The following ASB7 variants were observed in gnomAD, a reference collection of about 807,000 sequenced individuals.
The protein encoded by ASB7 is ankyrin repeat and SOCS box containing 7.
ASB7 carries 4 observed loss-of-function variants against 32.5 expected under a neutral mutation model. The observed-to-expected ratio is 0.12, with a 90% CI of 0.06 to 0.28. The LOEUF (loss-of-function observed/expected upper bound fraction) is 0.28. Ranked by LOEUF, ASB7 falls within the 10% of genes least tolerant of loss-of-function variation. ASB7 has a pLI of 1.00. For missense variants in ASB7, 181 were observed against 407.1 expected (o/e 0.44, Z 4.78); for synonymous variants, 172 against 155.6 (o/e 1.11, Z -0.78).
At chr15:100,647,699 C>T (rs1018975507) in intron 5 of ASB7, among the ~76,000 whole-genome samples, 11 of 152,300 alleles carry the variant, frequency 7.2e-5, no homozygotes, top group Admixed American at 2.0e-4. Context: ...CTGCACTCCT[C>T]AACTGTCAGC....
intron 4 of ASB7, among the ~76,000 whole-genome samples, chr15:100,617,769 C>G (rs2039756293): frequency 6.6e-6 from 1 of 152,196 alleles, no homozygotes; most frequent in Non-Finnish European, 1.5e-5. Context: ...TCTGATTCAT[C>G]TAAAGCTTCT....
chr15:100,646,578 A>G (rs2039998554), intron 5 of ASB7: 4 of 369,200 alleles, frequency 1.1e-5, no homozygotes, highest in South Asian at 9.5e-5. Flanking sequence ...TTTAAGAGAC[A>G]GCAGGGATTG....
At chr15:100,605,179 A>T (rs2039632693) in intron 2 of ASB7, among the ~76,000 whole-genome samples, 1 of 152,208 alleles carries the variant, frequency 6.6e-6, no homozygotes, top group African/African-American at 2.4e-5. Flanking sequence ...TAAATTGTCA[A>T]CATCTGTCAT....
intron 5 of ASB7, among the ~76,000 whole-genome samples, chr15:100,639,407 TTAAA>T (rs1402645164): frequency 1.3e-5 from 2 of 152,206 alleles, no homozygotes; most frequent in African/African-American, 4.8e-5. Flanking sequence ...TTAAAATAAC[TTAAA>T]TAAGGAGTAA....
intron 5 of ASB7, among the ~76,000 whole-genome samples, chr15:100,634,649 C>CA (rs1475639316): frequency 6.6e-6 from 1 of 152,074 alleles, no homozygotes; most frequent in Non-Finnish European, 1.5e-5. Context: ...ACTAAAAACA[C>CA]AAAAATTAGC....
At chr15:100,618,146 T>C (rs562572406) in intron 4 of ASB7, among the ~76,000 whole-genome samples, 4 of 152,314 alleles carry the variant, frequency 2.6e-5, no homozygotes, top group South Asian at 2.1e-4. Flanking sequence ...AGATGGAGTC[T>C]TGCTCTGTCA....
At chr15:100,645,008 A>G (rs1284556839) in intron 5 of ASB7, among the ~76,000 whole-genome samples, 1 of 152,252 alleles carries the variant, frequency 6.6e-6, no homozygotes, top group African/African-American at 2.4e-5. Context: ...GCAGAGGTCT[A>G]AGTCAGCCTT....
chr15:100,616,430 G>A (rs1222269013), intron 4 of ASB7, among the ~76,000 whole-genome samples: 1 of 152,052 alleles, frequency 6.6e-6, no homozygotes, highest in East Asian at 1.9e-4. Context: ...ATACTGCAGG[G>A]TCATTATTTG....
chr15:100,603,138 C>T (rs1007280927), intron 1 of ASB7, 77 bp from the exon 2 acceptor site: 16 of 396,790 alleles, frequency 4.0e-5, no homozygotes, highest in African/African-American at 3.3e-4. Flanking sequence ...GCCCTTGCCA[C>T]TCTCCAGCCC....
At chr15:100,607,982 G>A (rs1034057587) in intron 2 of ASB7, among the ~76,000 whole-genome samples, 3 of 152,150 alleles carry the variant, frequency 2.0e-5, no homozygotes, top group Non-Finnish European at 2.9e-5. Context: ...TGGAAGTGGC[G>A]GTGGATAGTT....
chr15:100,633,975 A>C (rs2039904122), intron 5 of ASB7, among the ~76,000 whole-genome samples: 1 of 152,220 alleles, frequency 6.6e-6, no homozygotes, highest in Non-Finnish European at 1.5e-5. Context: ...GAAGAGCAGA[A>C]GGTTGTGGGA....
rs1171990827 is a variant in ASB7 at position 100,651,611 on chromosome 15, G to A, written c.*3149G>A. 1 of 152,170 alleles carries A rather than the reference G, an allele frequency of 6.6e-6. No individual in the cohort carries two copies. Among genetic ancestry groups the A allele is most frequent in the Admixed American group, 6.5e-5 (1 of 15,278 alleles). 9.4% of individuals were successfully genotyped at this position (152,170 alleles called of 1,614,324 possible). On this transcript the variant is annotated 3_prime_UTR_variant, in exon 6 of 6. Coordinates refer to ENST00000332783, the MANE Select transcript of ASB7 (RefSeq NM_198243.3). The stretch of plus-strand genomic sequence containing the variant: ...ATTTAGCTTTCATGTAACTCCTAGT[G>A]TGTTATATCATAATGTATTTTGTTC...
chr15:100,607,515 CATGACGTGTGTGT>C, intron 2 of ASB7, among the ~76,000 whole-genome samples: 1 of 152,320 alleles, frequency 6.6e-6, no homozygotes, highest in East Asian at 1.9e-4. Flanking sequence ...ATCATGTGTG[CATGACGTGTGTGT>C]ATGTTTTTTT....
intron 2 of ASB7, among the ~76,000 whole-genome samples, chr15:100,604,942 A>G (rs1172425509): frequency 1.3e-5 from 2 of 152,202 alleles, no homozygotes; most frequent in South Asian, 2.1e-4. Flanking sequence ...CAAGCCTCTC[A>G]GTTAAATATT....
Position 100,651,250 on chromosome 15 carries a change from T to A in ASB7, c.*2788T>A, listed in dbSNP as rs1444292454. 1 of 151,078 alleles carries A rather than the reference T, an allele frequency of 6.6e-6. No homozygotes were observed. The highest frequency in any genetic ancestry group is 2.4e-5 in the African/African-American group (1 of 41,120). 9.4% of individuals were successfully genotyped at this position (151,078 alleles called of 1,614,324 possible). A position where few individuals can be genotyped will look rare whatever the true frequency, so the allele number is the denominator to read the frequency against. ...TTATAAATGTACAGCAGAGTAAGAG[T>A]GTTTTTTAGATTATTTAATTCCCAT... On this transcript the variant is annotated 3_prime_UTR_variant, in exon 6 of 6. Coordinates refer to ENST00000332783, the MANE Select transcript of ASB7 (RefSeq NM_198243.3).
rs190941068 is a variant in ASB7 at position 100,643,559 on chromosome 15, G to A, written c.818-4764G>A. Among the ~76,000 whole-genome samples the A allele has an allele frequency of 8.6e-3, 1,140 of 132,102 alleles. 12 individuals carry two copies. The highest frequency in any genetic ancestry group is 0.027 in the African/African-American group (944 of 34,444). The allele number at this position is 132,102 out of a possible 152,430, so 86.7% of individuals were successfully genotyped here. On this transcript the variant is annotated intron_variant, in intron 5 of 5. Coordinates refer to ENST00000332783, the MANE Select transcript of ASB7 (RefSeq NM_198243.3). ...GGCTGGAGTGCAGTGGCGCAATCTT[G>A]GCTCACTGCAACCTCTGCCTCCTGG...
rs147701053 is a variant in ASB7 at position 100,603,862 on chromosome 15, T to C, written c.-174+549T>C. On this transcript the variant is annotated intron_variant, in intron 2 of 5. Coordinates refer to ENST00000332783, the MANE Select transcript of ASB7 (RefSeq NM_198243.3). ...CAGAAAATAGTTTGATTTTATTTCC[T>C]ACTAGAAAGCCAACCTGTGTACCTT... 1.1e-3 allele frequency among the ~76,000 whole-genome samples: 170 copies of C among 152,354 alleles called. No individual in the cohort carries two copies. In the East Asian group the frequency reaches 0.028, roughly 25 times the overall value.
At chr15:100,639,723 A>G (rs960222481) in intron 5 of ASB7, among the ~76,000 whole-genome samples, 2 of 152,222 alleles carry the variant, frequency 1.3e-5, no homozygotes, top group African/African-American at 4.8e-5. Context: ...TTTCAGTCCC[A>G]GTTATTAAGA....
rs1463774282 is a variant in ASB7 at position 100,649,349 on chromosome 15, A to G, written c.*887A>G. On this transcript the variant is annotated 3_prime_UTR_variant, in exon 6 of 6. Coordinates refer to ENST00000332783, the MANE Select transcript of ASB7 (RefSeq NM_198243.3). ...GAGCCGCCGCTTCAGTTGTCACTGC[A>G]GAGCCATCGTATGTCAGTTGCAATT... is the stretch of plus-strand genomic sequence containing the variant. The G allele has an allele frequency of 1.3e-5, 2 of 152,218 alleles. No individual in the cohort carries two copies. Among genetic ancestry groups the G allele is most frequent in the Non-Finnish European group, 2.9e-5 (2 of 68,040 alleles). The allele number at this position is 152,218 out of a possible 1,614,324, so 9.4% of individuals were successfully genotyped here.
Sources: allele counts gnomAD v4.1 joint callset (sites outside exome capture counted in the v4.1 genomes callset), GRCh38; gene constraint gnomAD v4.1.1; transcripts MANE v1.5; gene names NCBI Gene and HGNC (gene_info 2026-07-23, HGNC 2026-07-21).